Variants in ATP8A1 observed in about 807,000 individuals in gnomAD.
The protein encoded by ATP8A1 is ATPase phospholipid transporting 8A1, also known as phospholipid-transporting ATPase IA.
A neutral mutation model predicts 177.7 loss-of-function variants in ATP8A1; 90 were observed. That is an observed-to-expected ratio of 0.51 (90% CI 0.43 to 0.60). The LOEUF is 0.60. ATP8A1 is among the 20% of genes least tolerant of loss of function. The pLI is 0.00. For synonymous variants in ATP8A1, 493 were observed against 485.9 expected (o/e 1.01, Z -0.19); for missense variants, 1,072 against 1,392.8 (o/e 0.77, Z 3.67).
intron 33 of ATP8A1, among the ~76,000 whole-genome samples, chr4:42,425,778 G>GAA (rs1560310263): frequency 6.6e-6 from 1 of 152,198 alleles, no homozygotes; most frequent in African/African-American, 2.4e-5. Flanking sequence ...CCCTCCGAGA[G>GAA]CGGTTTGCAA....
intron 27 of ATP8A1, among the ~76,000 whole-genome samples, chr4:42,461,110 A>G (rs1279324249): frequency 6.6e-6 from 1 of 152,236 alleles, no homozygotes; most frequent in East Asian, 1.9e-4. Context: ...AATGTAAAAT[A>G]TACTCCAGAT....
intron 25 of ATP8A1, among the ~76,000 whole-genome samples, chr4:42,480,049 T>A (rs1233254438): frequency 1.4e-5 from 2 of 142,986 alleles, no homozygotes; most frequent in Non-Finnish European, 3.1e-5. Context: ...ATGGTGGCAA[T>A]GGTGATGATG....
Position 42,450,725 on chromosome 4 carries a change from G to T in ATP8A1, c.2896+1256C>A, listed in dbSNP as rs989333369. Among the ~76,000 whole-genome samples the T allele has an allele frequency of 3.9e-5, 6 of 152,174 alleles. 1 individual carries two copies. Among genetic ancestry groups the T allele is most frequent in the Non-Finnish European group, 5.9e-5 (4 of 68,028 alleles). ...CACCTCGCTTATGCCACAAGCTCTT[G>T]GTAATTCATTCACAATTTGCTGAGT... is the stretch of plus-strand genomic sequence containing the variant. On this transcript the variant is annotated intron_variant, in intron 30 of 36. Coordinates refer to ENST00000381668, the MANE Select transcript of ATP8A1 (RefSeq NM_006095.2).
rs537839447 is a variant in ATP8A1 at position 42,598,841 on chromosome 4, CTTT to C, written c.450+1634_450+1636del. On this transcript the variant is annotated intron_variant, in intron 6 of 36. Transcript: ENST00000381668. ...TATCATGATTTCATCACTGAACCAACTTTTAGTGATTCTAATTACTTCTATAAT... is the reference window on the plus strand; with the variant it reads ...TATCATGATTTCATCACTGAACCAACTAGTGATTCTAATTACTTCTATAAT... Among the ~76,000 whole-genome samples the C allele has an allele frequency of 3.2e-3, 481 of 152,230 alleles. 2 individuals are homozygous for C. The highest frequency in any genetic ancestry group is 0.011 in the African/African-American group (453 of 41,550).
At chr4:42,557,346 T>TA (rs1400622242) in intron 15 of ATP8A1, among the ~76,000 whole-genome samples, 3 of 152,212 alleles carry the variant, frequency 2.0e-5, no homozygotes, top group Non-Finnish European at 4.4e-5. Flanking sequence ...CACCATTAAT[T>TA]AAAAAGAGTT....
At chr4:42,583,540 G>T (rs1733322759) in intron 9 of ATP8A1, among the ~76,000 whole-genome samples, 1 of 152,168 alleles carries the variant, frequency 6.6e-6, no homozygotes, top group African/African-American at 2.4e-5. Context: ...ACCGGAATTA[G>T]ACACAAACTC....
chr4:42,555,135 ATCTAATCTATCTATCTATCTATCT>A (rs1560454585), intron 16 of ATP8A1, among the ~76,000 whole-genome samples: 3 of 60,730 alleles, frequency 4.9e-5, no homozygotes, highest in African/African-American at 1.5e-4. Context: ...CTATCTATCT[ATCTAATCTATCTATCTATCTATCT>A]ATCTATCTAT....
Position 42,657,095 on chromosome 4 carries a change from G to T in ATP8A1, c.-222C>A. The T allele has an allele frequency of 2.5e-6, 1 of 396,860 alleles. No individual in the cohort carries two copies. The highest frequency in any genetic ancestry group is 4.3e-6 in the Non-Finnish European group (1 of 232,624). 24.6% of individuals were successfully genotyped at this position (396,860 alleles called of 1,614,324 possible). ...GAAGGTGGCGGCGCCCGCAGAGCTG[G>T]GCGAGCTCTTGCTGCAGCCGCGGAG... On this transcript the variant is annotated 5_prime_UTR_variant, in exon 1 of 37. Coordinates refer to ENST00000381668, the MANE Select transcript of ATP8A1 (RefSeq NM_006095.2).
At chr4:42,537,430 G>C (rs908135091) in intron 20 of ATP8A1, among the ~76,000 whole-genome samples, 1 of 151,694 alleles carries the variant, frequency 6.6e-6, no homozygotes. Flanking sequence ...AATCAGATAA[G>C]AGAAAGAAAT....
intron 5 of ATP8A1, among the ~76,000 whole-genome samples, chr4:42,603,084 C>T (rs1039168207): frequency 5.3e-5 from 8 of 151,892 alleles, no homozygotes; most frequent in Admixed American, 2.0e-4. Flanking sequence ...CTATAAGTGT[C>T]CAATATTTCT....
At chr4:42,528,459 C>T (rs1726932779) in intron 20 of ATP8A1, among the ~76,000 whole-genome samples, 1 of 152,154 alleles carries the variant, frequency 6.6e-6, no homozygotes, top group African/African-American at 2.4e-5. Flanking sequence ...GCAGAAGACA[C>T]ATGGATCTTG....
intron 1 of ATP8A1, among the ~76,000 whole-genome samples, chr4:42,636,370 G>T (rs1449209030): frequency 6.6e-6 from 1 of 151,460 alleles, no homozygotes; most frequent in African/African-American, 2.4e-5. Flanking sequence ...ATGTTCGATT[G>T]TGAGCCTGAC....
At chr4:42,490,573 T>G (rs1378674791) in intron 24 of ATP8A1, among the ~76,000 whole-genome samples, 2 of 152,224 alleles carry the variant, frequency 1.3e-5, no homozygotes, top group African/African-American at 2.4e-5. Context: ...CTTTCCTTCC[T>G]TAACCTCAAA....
chr4:42,513,542 G>A (rs1725227764), intron 22 of ATP8A1, among the ~76,000 whole-genome samples: 2 of 152,270 alleles, frequency 1.3e-5, no homozygotes, highest in Non-Finnish European at 1.5e-5. Flanking sequence ...GATAAGGGAG[G>A]TGATTCCAAA....
rs749733890 is a variant in ATP8A1, at chr4:42,579,851, C to T, written c.962G>A (p.Arg321Gln). Residue 321 changes from arginine (R) to glutamine (Q), a missense_variant, in exon 11 of 37, where the codon CGA (arginine) becomes CAA (glutamine). Physicochemically the swap from Arg to Gln is conservative, Grantham distance 43. Transcript: ENST00000381668. The stretch of plus-strand genomic sequence containing the variant: ...ATACCAGTCTTTTCCAGAATGCCTT[C>T]GATTCCAAATGGCTGAGCCCACAGA... Reference protein sequence around the residue: ...VCSVGSAIWNRRHSGKDWYLN... With the variant: ...VCSVGSAIWNQRHSGKDWYLN... 10 of 1,613,474 alleles carry T rather than the reference C, an allele frequency of 6.2e-6. No individual in the cohort carries two copies. Among genetic ancestry groups the T allele is most frequent in the South Asian group, 3.3e-5 (3 of 90,946 alleles).
At chr4:42,586,497 A>G (rs1372411327) in intron 8 of ATP8A1, 21 bp from the exon 9 acceptor site, 2 of 1,609,858 alleles carry the variant, frequency 1.2e-6, no homozygotes. Context: ...TTTTTAAATA[A>G]GCAAAAAGTA....
intron 29 of ATP8A1, among the ~76,000 whole-genome samples, chr4:42,452,684 T>C (rs1577961269): frequency 6.6e-6 from 1 of 152,226 alleles, no homozygotes; most frequent in East Asian, 1.9e-4. Flanking sequence ...TAGTTACTAC[T>C]TTTTATATCT....
intron 4 of ATP8A1, among the ~76,000 whole-genome samples, chr4:42,617,208 T>C (rs7662376): frequency 0.22 from 33,240 of 152,068 alleles, 4,249 homozygotes; most frequent in Non-Finnish European, 0.29. Context: ...GAGGAATAGA[T>C]AAGAGCTGGC....
intron 1 of ATP8A1, among the ~76,000 whole-genome samples, chr4:42,636,162 A>G (rs968843787): frequency 5.9e-4 from 61 of 102,874 alleles, no homozygotes; most frequent in Admixed American, 9.0e-5. Context: ...ACACACGCAC[A>G]CACACACACA....
Sources: allele counts gnomAD v4.1 joint callset (sites outside exome capture counted in the v4.1 genomes callset), GRCh38; gene constraint gnomAD v4.1.1; transcripts MANE v1.5; gene names NCBI Gene and HGNC (gene_info 2026-07-23, HGNC 2026-07-21).